The following FMNL3 variants were observed in gnomAD, a reference collection of about 807,000 sequenced individuals.
FMNL3 encodes formin like 3.
FMNL3 carries 57 observed loss-of-function variants against 119.6 expected under a neutral mutation model. That is an observed-to-expected ratio of 0.48 (90% CI 0.39 to 0.59). FMNL3 has a LOEUF of 0.59. Ranked by LOEUF, FMNL3 falls within the 20% of genes least tolerant of loss-of-function variation. The pLI, the probability that FMNL3 is intolerant of heterozygous loss-of-function variation, is 0.00. For synonymous variants in FMNL3, 491 were observed against 507.3 expected, an observed-to-expected ratio of 0.97 and a Z score of 0.43; for missense variants, 1,053 against 1,323.5, an observed-to-expected ratio of 0.80 and a Z score of 3.17.
chr12:49,698,133 G>A (rs907429490), intron 1 of FMNL3, among the ~76,000 whole-genome samples: 2 of 152,180 alleles, frequency 1.3e-5, no homozygotes, highest in African/African-American at 4.8e-5. Context: ...AATTAAAAGA[G>A]GATTATGATA....
At chr12:49,688,534 A>G (rs1944524813) in intron 1 of FMNL3, 1 of 455,734 alleles carries the variant, frequency 2.2e-6, no homozygotes, top group Non-Finnish European at 4.4e-6. Flanking sequence ...GTTCTTTTCC[A>G]CCCCAGGGCT....
intron 13 of FMNL3, among the ~76,000 whole-genome samples, chr12:49,652,492 T>C (rs1336451994): frequency 6.6e-6 from 1 of 152,140 alleles, no homozygotes; most frequent in East Asian, 1.9e-4. Flanking sequence ...GGAAAAAAGG[T>C]TGCCCCTGTG....
rs554273973 is a variant in FMNL3 at position 49,643,972 on chromosome 12, C to T, written c.*1843G>A. 16 of 1,614,198 alleles carry T rather than the reference C, an allele frequency of 9.9e-6. No homozygotes were observed. The highest frequency in any genetic ancestry group is 6.7e-5 in the African/African-American group (5 of 75,062). On this transcript the variant is annotated 3_prime_UTR_variant, in exon 26 of 26. Transcript: ENST00000335154. ...GCTCCAACAGGCAGAGCTCCCTAAC[C>T]GTTCCCCAGGCTTTGGAATCAAGAA...
At position 49,640,145 on chromosome 12, in the gene FMNL3, G is replaced by T. The variant is rs1002007240; in HGVS notation, c.*5670C>A. ...TGCTTTCCACAGCCAGGCAGACCATGATGGTGCCTTTCATCCCATAGGATA... is the reference window on the plus strand; with the variant it reads ...TGCTTTCCACAGCCAGGCAGACCATTATGGTGCCTTTCATCCCATAGGATA... On this transcript the variant is annotated 3_prime_UTR_variant, in exon 26 of 26. Coordinates refer to ENST00000335154, the MANE Select transcript of FMNL3 (RefSeq NM_175736.5). The T allele has an allele frequency of 2.0e-5, 3 of 152,252 alleles. No homozygotes were observed. The highest frequency in any genetic ancestry group is 7.2e-5 in the African/African-American group (3 of 41,460). The allele number at this position is 152,252 out of a possible 1,614,324, so 9.4% of individuals were successfully genotyped here. A position where few individuals can be genotyped will look rare whatever the true frequency, so the allele number is the denominator to read the frequency against.
intron 1 of FMNL3, among the ~76,000 whole-genome samples, chr12:49,702,752 G>C (rs756409966): frequency 6.6e-6 from 1 of 152,064 alleles, no homozygotes; most frequent in African/African-American, 2.4e-5. Context: ...CAAGAAGAAG[G>C]TTCCTCTGAC....
intron 21 of FMNL3, among the ~76,000 whole-genome samples, 195 bp downstream of exon 21, chr12:49,648,834 A>AGGCCT (rs1943298604): frequency 6.6e-6 from 1 of 152,204 alleles, no homozygotes; most frequent in East Asian, 1.9e-4. Flanking sequence ...GGGCTGGGCC[A>AGGCCT]GGCCTGGCGC....
chr12:49,661,980 G>C lies in FMNL3; in HGVS notation c.438C>G (p.Ala146=), dbSNP rs1943747641. 6.2e-7 allele frequency: 1 copy of C among 1,614,122 alleles called. No individual in the cohort carries two copies. Among genetic ancestry groups the C allele is most frequent in the Non-Finnish European group, 8.5e-7 (1 of 1,180,030 alleles). The change falls in exon 5 of 26, where the codon GCC becomes GCG. Residue 146 remains alanine, a synonymous_variant. Transcript: ENST00000335154. ...GTGGTACTCACATGACAGAACACTG[G>C]GCAAAGGACAGGTAATCCACCAGTA... ...LDVLVDYLSF[A]QCSVMFDFEG...
At position 49,658,569 on chromosome 12, in the gene FMNL3, C is replaced by T. The variant is rs374170503; in HGVS notation, c.478G>A (p.Gly160Ser). The T allele has an allele frequency of 6.2e-7, 1 of 1,611,692 alleles. No homozygotes were observed. The highest frequency in any genetic ancestry group is 8.5e-7 in the Non-Finnish European group (1 of 1,178,748). ...AGTTTGTCAAATGCACCATCGTCAC[C>T]ACTTTCCAGACCCTCAAAGTCAAAC... is the stretch of plus-strand genomic sequence containing the variant. Reference protein sequence around the residue: ...VMFDFEGLESGDDGAFDKLRS... With the variant: ...VMFDFEGLESSDDGAFDKLRS... The change falls in exon 6 of 26, where the codon GGT becomes AGT. Residue 160 changes from glycine (G) to serine (S), a missense_variant. Physicochemically the swap from Gly to Ser is moderately conservative, Grantham distance 56. Around this residue, in one of 4 missense-constraint regions of FMNL3, gnomAD observed 264 missense variants for 265.5 expected, o/e 0.99. Transcript: ENST00000335154.
Position 49,643,381 on chromosome 12 carries a change from C to A in FMNL3, c.*2434G>T. 6.4e-7 allele frequency: 1 copy of A among 1,566,966 alleles called. No homozygotes were observed. The highest frequency in any genetic ancestry group is 8.6e-7 in the Non-Finnish European group (1 of 1,158,068). The stretch of plus-strand genomic sequence containing the variant: ...TTGGAGGACGGGGCTCCCCTTCCTC[C>A]CATCTTCTTGGAGCAGGTAAGCAGT... On this transcript the variant is annotated 3_prime_UTR_variant, in exon 26 of 26. Transcript: ENST00000335154.
intron 25 of FMNL3, 22 bp from the exon 26 acceptor site, chr12:49,645,925 T>C: frequency 6.2e-7 from 1 of 1,605,550 alleles, no homozygotes; most frequent in Non-Finnish European, 8.5e-7. Flanking sequence ...GAGAGAGACC[T>C]GTGAACAGGA....
At chr12:49,683,652 C>T (rs1944389857) in intron 1 of FMNL3, among the ~76,000 whole-genome samples, 1 of 152,160 alleles carries the variant, frequency 6.6e-6, no homozygotes, top group African/African-American at 2.4e-5. Flanking sequence ...TTCCACTCAG[C>T]TGCCTACCTC....
chr12:49,649,088 T>C lies in FMNL3; in HGVS notation c.2456A>G (p.Lys819Arg). 1 of 1,613,638 alleles carries C rather than the reference T, an allele frequency of 6.2e-7. No individual in the cohort carries two copies. Among genetic ancestry groups the C allele is most frequent in the Non-Finnish European group, 8.5e-7 (1 of 1,179,690 alleles). Residue 819 changes from lysine to arginine, a missense_variant, in exon 21 of 26, where the codon AAA becomes AGA. Physicochemically the swap from Lys to Arg is conservative, Grantham distance 26. Coordinates refer to ENST00000335154, the MANE Select transcript of FMNL3 (RefSeq NM_175736.5). The surrounding 1 kb of genome is among the most constrained non-coding windows in gnomAD (Gnocchi z 5.6). Reference sequence around the variant, plus strand: ...CCAGAAGTTAGCCAGGTCTGGGTATTTCTCCTTCACTGTCAAGGCGATGAA... The same window carrying C: ...CCAGAAGTTAGCCAGGTCTGGGTATCTCTCCTTCACTGTCAAGGCGATGAA... ...LHFIALTVKE[K>R]YPDLANFWHE...
chr12:49,658,130 C>T (rs1943627309), intron 6 of FMNL3, among the ~76,000 whole-genome samples: 1 of 152,120 alleles, frequency 6.6e-6, no homozygotes, highest in Admixed American at 6.5e-5. Context: ...ATGTGCCCTG[C>T]TCAAGAGACC....
At chr12:49,659,699 C>A in intron 5 of FMNL3, 1 of 900,644 alleles carries the variant, frequency 1.1e-6, no homozygotes, top group Non-Finnish European at 1.3e-6. Flanking sequence ...CATGTGTGAG[C>A]CACTGCACCC....
At position 49,636,799 on chromosome 12, in the gene FMNL3, G is replaced by A. The variant is rs1350928424; in HGVS notation, c.*9016C>T. 6.2e-7 allele frequency: 1 copy of A among 1,614,206 alleles called. No homozygotes were observed. Among genetic ancestry groups the A allele is most frequent in the East Asian group, 2.2e-5 (1 of 44,890 alleles). ...GGAAGAGGAGGAGGAACGGGAGCGG[G>A]CCCGGCTTCGGGAGCGACGCCAACA... is the stretch of plus-strand genomic sequence containing the variant. On this transcript the variant is annotated 3_prime_UTR_variant, in exon 26 of 26. Transcript: ENST00000335154.
rs1257988905 is a variant in FMNL3 at position 49,641,828 on chromosome 12, T to C, written c.*3987A>G. ...CCAGAGGCAAGGGCCTTCTTGACCA[T>C]CTGTAATGTGACCACTCTGCCTGCC... is the stretch of plus-strand genomic sequence containing the variant. On this transcript the variant is annotated 3_prime_UTR_variant, in exon 26 of 26. Coordinates refer to ENST00000335154, the MANE Select transcript of FMNL3 (RefSeq NM_175736.5). The C allele has an allele frequency of 2.8e-5, 33 of 1,189,262 alleles. No homozygotes were observed. The highest frequency in any genetic ancestry group is 3.7e-5 in the Non-Finnish European group (30 of 804,334). 73.7% of individuals were successfully genotyped at this position (1,189,262 alleles called of 1,614,324 possible).
chr12:49,668,594 C>G (rs771478983), intron 1 of FMNL3, 40 bp from the exon 2 acceptor site: 1 of 1,583,202 alleles, frequency 6.3e-7, no homozygotes, highest in Admixed American at 1.7e-5. Flanking sequence ...GAAACCTCCC[C>G]TCATCTGGAA....
At chr12:49,685,919 T>C (rs1250926349) in intron 1 of FMNL3, among the ~76,000 whole-genome samples, 1 of 151,798 alleles carries the variant, frequency 6.6e-6, no homozygotes, top group Non-Finnish European at 1.5e-5. Context: ...ATACAAAAAT[T>C]AGCCAGGCTT....
At chr12:49,696,645 T>G (rs76122846) in intron 1 of FMNL3, among the ~76,000 whole-genome samples, 1 of 152,186 alleles carries the variant, frequency 6.6e-6, no homozygotes, top group Non-Finnish European at 1.5e-5. Flanking sequence ...GTACATCCTA[T>G]TATCTCCACC....
Sources: gnomAD v4.1 joint callset for allele counts (sites outside exome capture counted in the v4.1 genomes callset) on GRCh38, gnomAD v4.1.1 for gene constraint, gnomAD v4.1.1 regional missense constraint, Gnocchi (gnomAD v3.1) non-coding constraint, MANE v1.5 for transcripts, NCBI Gene and HGNC (gene_info 2026-07-23, HGNC 2026-07-21) for gene names.